Variants in SPOP observed in about 807,000 individuals in gnomAD.
The protein encoded by SPOP is speckle type BTB/POZ protein, also known as speckle-type POZ protein.
In SPOP, 11 loss-of-function variants were observed where a neutral mutation model predicts 45.6. The ratio of observed to expected loss-of-function variants is 0.24; its 90% confidence interval spans 0.15 to 0.40. SPOP has a LOEUF of 0.40. SPOP is among the 10% of genes least tolerant of loss of function. The pLI, the probability that SPOP is intolerant of heterozygous loss-of-function variation, is 1.00. For synonymous variants in SPOP, 166 were observed against 166.3 expected (o/e 1.00, Z 0.01); for missense variants, 152 against 465.6 (o/e 0.33, Z 6.20).
rs1491137169 is a variant in SPOP, at chr17:49,666,493, A to ACACC, written c.-67+11439_-67+11440insGGTG. Among the ~76,000 whole-genome samples the ACACC allele has an allele frequency of 1.3e-4, 18 of 142,230 alleles. 1 individual carries two copies. In the South Asian group the frequency reaches 3.3e-3, roughly 26 times the overall value. 93.3% of individuals were successfully genotyped at this position (142,230 alleles called of 152,430 possible). A position where few individuals can be genotyped will look rare whatever the true frequency, so the allele number is the denominator to read the frequency against. The stretch of plus-strand genomic sequence containing the variant: ...CACACACACACACACACACACACAC[A>ACACC]CCCATATAGGAACAATATAATAAAT... On this transcript the variant is annotated intron_variant, in intron 1 of 9. Transcript: ENST00000504102.
intron 1 of SPOP, among the ~76,000 whole-genome samples, chr17:49,677,606 C>A (rs901226357): frequency 1.3e-5 from 2 of 152,002 alleles, no homozygotes; most frequent in African/African-American, 4.8e-5. Context: ...CGAGCGCGTT[C>A]ACACTCGCGC....
chr17:49,639,114 A>G (rs1446354832), intron 1 of SPOP, among the ~76,000 whole-genome samples: 1 of 152,268 alleles, frequency 6.6e-6, no homozygotes, highest in African/African-American at 2.4e-5. Flanking sequence ...CTCTGAGGAT[A>G]GAAAGATAGA....
At chr17:49,643,188 T>C (rs2072690894) in intron 1 of SPOP, among the ~76,000 whole-genome samples, 1 of 152,246 alleles carries the variant, frequency 6.6e-6, no homozygotes, top group Non-Finnish European at 1.5e-5. Context: ...AAGGAAGTCC[T>C]ACTCAAACGC....
intron 9 of SPOP, chr17:49,601,630 G>A: frequency 2.3e-6 from 1 of 442,090 alleles, no homozygotes; most frequent in Non-Finnish European, 4.0e-6. Flanking sequence ...AGGCCAGCAA[G>A]TTATTTTCAT....
At chr17:49,648,683 G>A (rs754814503) in intron 1 of SPOP, among the ~76,000 whole-genome samples, 1 of 152,174 alleles carries the variant, frequency 6.6e-6, no homozygotes, top group Non-Finnish European at 1.5e-5. Flanking sequence ...CCATTTCTAC[G>A]TCAGAAGCAG....
chr17:49,666,738 G>C (rs1287460831), intron 1 of SPOP, among the ~76,000 whole-genome samples: 2 of 152,186 alleles, frequency 1.3e-5, no homozygotes, highest in African/African-American at 4.8e-5. Context: ...TGAGGCAGGA[G>C]AATCACTTGA....
chr17:49,620,547 T>G (rs2072202315), intron 3 of SPOP: 1 of 153,676 alleles, frequency 6.5e-6, no homozygotes, highest in Non-Finnish European at 1.5e-5. Flanking sequence ...TTTACCAATC[T>G]GGCAACAATA....
At chr17:49,609,953 C>G (rs567251182) in intron 6 of SPOP, among the ~76,000 whole-genome samples, 1 of 151,784 alleles carries the variant, frequency 6.6e-6, no homozygotes, top group South Asian at 2.1e-4. Context: ...GCTTTGTCCA[C>G]GAGGAAGAAC....
intron 1 of SPOP, among the ~76,000 whole-genome samples, chr17:49,635,079 A>C (rs551669769): frequency 6.6e-6 from 1 of 152,338 alleles, no homozygotes; most frequent in East Asian, 1.9e-4. Context: ...GTCTTAACTA[A>C]AAAAGCCTAA....
intron 8 of SPOP, among the ~76,000 whole-genome samples, chr17:49,604,871 G>A (rs1011353852): frequency 6.6e-6 from 1 of 152,202 alleles, no homozygotes; most frequent in Non-Finnish European, 1.5e-5. Context: ...AATCTTGCAG[G>A]TGATCCTTGA....
chr17:49,655,872 G>A (rs1451879753), intron 1 of SPOP, among the ~76,000 whole-genome samples: 1 of 152,068 alleles, frequency 6.6e-6, no homozygotes, highest in Non-Finnish European at 1.5e-5. Context: ...GTATAATAGC[G>A]CAATCTTGGC....
At chr17:49,647,768 A>G (rs1359615185) in intron 1 of SPOP, among the ~76,000 whole-genome samples, 2 of 152,222 alleles carry the variant, frequency 1.3e-5, no homozygotes, top group African/African-American at 4.8e-5. Context: ...GGTGTGAGCC[A>G]CTGCGCCTGG....
At chr17:49,672,825 T>C (rs558344120) in intron 1 of SPOP, among the ~76,000 whole-genome samples, 135 of 152,196 alleles carry the variant, frequency 8.9e-4, no homozygotes, top group African/African-American at 3.2e-3. Context: ...TGGGCACCTA[T>C]AATCCCAGCT....
At chr17:49,662,349 G>A (rs1050272461) in intron 1 of SPOP, among the ~76,000 whole-genome samples, 6 of 152,058 alleles carry the variant, frequency 3.9e-5, no homozygotes, top group South Asian at 2.1e-4. Flanking sequence ...AAGACTATCT[G>A]GCTGAAAATC....
intron 1 of SPOP, among the ~76,000 whole-genome samples, chr17:49,655,559 T>C (rs2072898255): frequency 6.6e-6 from 1 of 152,062 alleles, no homozygotes; most frequent in Non-Finnish European, 1.5e-5. Context: ...TTGGAATGCA[T>C]GATGTAATTT....
chr17:49,664,933 T>C (rs1397147482), intron 1 of SPOP, among the ~76,000 whole-genome samples: 1 of 152,192 alleles, frequency 6.6e-6, no homozygotes, highest in East Asian at 1.9e-4. Flanking sequence ...CTATTTCCTT[T>C]TTCCTTTAGA....
At chr17:49,627,099 T>G (rs2072350023) in intron 1 of SPOP, among the ~76,000 whole-genome samples, 1 of 152,212 alleles carries the variant, frequency 6.6e-6, no homozygotes, top group Non-Finnish European at 1.5e-5. Flanking sequence ...TTTGCCCACC[T>G]TGGCCTCCCA....
chr17:49,665,037 G>T (rs2073035227), intron 1 of SPOP, among the ~76,000 whole-genome samples: 1 of 151,962 alleles, frequency 6.6e-6, no homozygotes, highest in African/African-American at 2.4e-5. Context: ...ATTTCCTTAT[G>T]ATCAAGGAAG....
At chr17:49,624,331 G>GCGCGCGCACACACACACACA (rs71352523) in intron 1 of SPOP, among the ~76,000 whole-genome samples, 1 of 149,224 alleles carries the variant, frequency 6.7e-6, no homozygotes, top group Admixed American at 6.7e-5. Flanking sequence ...GCGCGCGCGC[G>GCGCGCGCACACACACACACA]CACACACACA....
Sources: gnomAD v4.1 joint callset for allele counts (sites outside exome capture counted in the v4.1 genomes callset) on GRCh38, gnomAD v4.1.1 for gene constraint, MANE v1.5 for transcripts, NCBI Gene and HGNC (gene_info 2026-07-23, HGNC 2026-07-21) for gene names.